The following GABRD variants were observed in gnomAD, a reference collection of about 807,000 sequenced individuals.
GABRD encodes the protein gamma-aminobutyric acid receptor subunit delta.
GABRD carries 25 observed loss-of-function variants against 47.3 expected under a neutral mutation model. The ratio of observed to expected loss-of-function variants is 0.53; its 90% CI spans 0.39 to 0.74. The LOEUF (loss-of-function observed/expected upper bound fraction) is 0.74, where lower values mean the gene tolerates loss of function less well. GABRD is among the 30% of genes least tolerant of loss of function. GABRD has a pLI of 0.00. For missense variants in GABRD, 497 were observed against 643.4 expected (o/e 0.77, Z 2.46); for synonymous variants, 314 against 278.8 (o/e 1.13, Z -1.26).
chr1:2,021,656 G>A (rs1167947834), intron 1 of GABRD, among the ~76,000 whole-genome samples: 2 of 152,180 alleles, frequency 1.3e-5, no homozygotes, highest in Non-Finnish European at 2.9e-5. Flanking sequence ...GCATGCCCGC[G>A]TGGGTGGCCC....
Position 2,028,863 on chromosome 1 carries a change from GCAGTAACCT to G in GABRD, c.692-244_692-236del. The G allele has an allele frequency of 1.8e-6, 1 of 569,388 alleles. No individual in the cohort carries two copies. The highest frequency in any genetic ancestry group is 3.1e-6 in the Non-Finnish European group (1 of 323,220). 35.3% of individuals were successfully genotyped at this position (569,388 alleles called of 1,614,324 possible). ...GGCCAGTCCAGCAAACATGAGGCCA[GCAGTAACCT>G]CAGCCTCTCTCCCTCTCCTCTGGGT... On this transcript the variant is annotated intron_variant, in intron 6 of 8. Transcript: ENST00000378585. The surrounding 1 kb of genome is among the most constrained non-coding windows in gnomAD (Gnocchi z 6.4).
rs772707280 is a variant in GABRD, at chr1:2,024,980, T to G, written c.107T>G (p.Leu36Arg). The G allele has an allele frequency of 1.3e-5, 21 of 1,612,846 alleles. 1 individual carries two copies. The highest frequency in any genetic ancestry group is 1.8e-5 in the Non-Finnish European group (21 of 1,179,866). Reference sequence around the variant, plus strand: ...ATCGGCGACTACGTGGGCTCCAACCTGGAGATCTCCTGGCTCCCCAACCTG... The same window carrying G: ...ATCGGCGACTACGTGGGCTCCAACCGGGAGATCTCCTGGCTCCCCAACCTG... ...NDIGDYVGSN[L>R]EISWLPNLDG... The change falls in exon 2 of 9, where the codon CTG becomes CGG. Residue 36 changes from leucine (L) to arginine (R), a missense_variant. Leu to Arg is a moderately radical substitution (Grantham distance 102). Transcript: ENST00000378585.
chr1:2,027,343 T>G, intron 4 of GABRD: 1 of 573,590 alleles, frequency 1.7e-6, no homozygotes, highest in Non-Finnish European at 3.2e-6. Flanking sequence ...AGTTCAATAG[T>G]CAAGCGTTTT....
In GABRD at chr1:2,025,023, C is replaced by T. The variant is rs1403672659; in HGVS notation, c.150C>T (p.Gly50=). ...CCAACCTGGACGGGCTGATAGCCGGCTACGCCCGCAACTTCCGGCCTGGCA... is the reference window on the plus strand; with the variant it reads ...CCAACCTGGACGGGCTGATAGCCGGTTACGCCCGCAACTTCCGGCCTGGCA... The part of the protein sequence containing the change: ...WLPNLDGLIA[G]YARNFRPGIG... Residue 50 remains glycine (G), a synonymous_variant, in exon 2 of 9, where the codon GGC becomes GGT. Transcript: ENST00000378585. 1 of 1,612,676 alleles carries T rather than the reference C, an allele frequency of 6.2e-7. No individual in the cohort carries two copies. The highest frequency in any genetic ancestry group is 1.3e-5 in the African/African-American group (1 of 75,072).
In GABRD at chr1:2,029,582, C is replaced by G; in HGVS notation, c.879C>G (p.Leu293=). 6.2e-7 allele frequency: 1 copy of G among 1,613,058 alleles called. No homozygotes were observed. The highest frequency in any genetic ancestry group is 1.3e-5 in the African/African-American group (1 of 75,058). Residue 293 remains leucine (L), a synonymous_variant, in exon 8 of 9, where the codon CTC becomes CTG. Transcript: ENST00000378585. ...GITTVLTMTT[L]MVSARSSLPR... ...CCACGGTGCTGACGATGACCACGCT[C>G]ATGGTCAGTGCCCGCTCCTCCCTGC...
At position 2,030,108 on chromosome 1, in the gene GABRD, G is replaced by T; in HGVS notation, c.1185G>T (p.Gly395=). The change falls in exon 9 of 9, where the codon GGG becomes GGT. Residue 395 remains glycine, a synonymous_variant. Coordinates refer to ENST00000378585, the MANE Select transcript of GABRD (RefSeq NM_000815.5). The stretch of plus-strand genomic sequence containing the variant: ...TGATGGGCTCCTACAGGTCGGTGGG[G>T]GTGGAGACAGGGGAGACGAAGAAGG... ...GNLMGSYRSV[G]VETGETKKEG... is the part of the protein sequence containing the mutation. The T allele has an allele frequency of 6.3e-7, 1 of 1,591,162 alleles. No individual in the cohort carries two copies. The highest frequency in any genetic ancestry group is 2.2e-5 in the East Asian group (1 of 44,628).
intron 1 of GABRD, among the ~76,000 whole-genome samples, chr1:2,020,786 A>C (rs1054666743): frequency 2.0e-5 from 3 of 152,204 alleles, no homozygotes. Flanking sequence ...CTGAAACCCC[A>C]AAGTTTTAGC....
At position 2,030,109 on chromosome 1, in the gene GABRD, G is replaced by T. The variant is rs1404444503; in HGVS notation, c.1186G>T (p.Val396Leu). 4.4e-6 allele frequency: 7 copies of T among 1,591,108 alleles called. No homozygotes were observed. The highest frequency in any genetic ancestry group is 6.0e-6 in the Non-Finnish European group (7 of 1,168,560). ...NLMGSYRSVG[V>L]ETGETKKEGA... ...GATGGGCTCCTACAGGTCGGTGGGG[G>T]TGGAGACAGGGGAGACGAAGAAGGA... The change falls in exon 9 of 9, where the codon GTG becomes TTG. Residue 396 changes from valine (V) to leucine (L), a missense_variant. This residue lies in a region of GABRD where 121 missense variants were observed against 121.3 expected (regional missense o/e 1.00). Coordinates refer to ENST00000378585, the MANE Select transcript of GABRD (RefSeq NM_000815.5).
intron 1 of GABRD, among the ~76,000 whole-genome samples, chr1:2,021,323 G>A (rs1390503056): frequency 2.6e-5 from 4 of 152,168 alleles, no homozygotes; most frequent in African/African-American, 7.2e-5. Flanking sequence ...GTCTCCCCAG[G>A]GTGGAAGCAC....
rs541920687 is a variant in GABRD, at chr1:2,019,760, G to A, written c.68+269G>A. On this transcript the variant is annotated intron_variant, in intron 1 of 8. Coordinates refer to ENST00000378585, the MANE Select transcript of GABRD (RefSeq NM_000815.5). The stretch of plus-strand genomic sequence containing the variant: ...CCGTCCTGGTGCTGAACCTGGGCTG[G>A]GCGAGGGCGTCGGAGCCTCCCGGTT... 1.3e-4 allele frequency among the ~76,000 whole-genome samples: 20 copies of A among 152,232 alleles called. No individual in the cohort carries two copies. In the East Asian group the frequency reaches 3.9e-3, roughly 30 times the overall value.
Position 2,019,347 on chromosome 1 carries a change from C to T in GABRD, c.-77C>T. ...TCGCGCCCGCGCCGCGCTCGCTCAGCTCCCGCCCGCCTGTGCCGCCTGTGC... is the reference window on the plus strand; with the variant it reads ...TCGCGCCCGCGCCGCGCTCGCTCAGTTCCCGCCCGCCTGTGCCGCCTGTGC... On this transcript the variant is annotated 5_prime_UTR_variant, in exon 1 of 9. Coordinates refer to ENST00000378585, the MANE Select transcript of GABRD (RefSeq NM_000815.5). 1.2e-6 allele frequency: 1 copy of T among 815,146 alleles called. No homozygotes were observed. The allele number at this position is 815,146 out of a possible 1,614,324, so 50.5% of individuals were successfully genotyped here.
rs750763018 is a variant in GABRD at position 2,027,586 on chromosome 1, C to T, written c.480C>T (p.Ser160=). 6.2e-7 allele frequency: 1 copy of T among 1,613,390 alleles called. No homozygotes were observed. The highest frequency in any genetic ancestry group is 1.3e-5 in the African/African-American group (1 of 74,934). The change falls in exon 5 of 9, where the codon TCC becomes TCT. Residue 160 remains serine, a synonymous_variant. Transcript: ENST00000378585. The part of the protein sequence containing the change: ...GVILYSIRIT[S]TVACDMDLAK... ...ATGCTTGTCTTGGCAGAATCACCTC[C>T]ACTGTGGCCTGCGACATGGACCTGG...
At chr1:2,021,646 G>C (rs1373500470) in intron 1 of GABRD, among the ~76,000 whole-genome samples, 2 of 152,208 alleles carry the variant, frequency 1.3e-5, no homozygotes, top group Non-Finnish European at 2.9e-5. Context: ...CTTGCCGACT[G>C]CATGCCCGCG....
chr1:2,022,839 G>C (rs1029622439), intron 1 of GABRD, among the ~76,000 whole-genome samples: 2 of 152,254 alleles, frequency 1.3e-5, no homozygotes, highest in Non-Finnish European at 2.9e-5. Context: ...TCCTGCCAGA[G>C]TTGGGCCACC....
chr1:2,029,228 G>T lies in GABRD; in HGVS notation c.809G>T (p.Trp270Leu). 1 of 1,572,648 alleles carries T rather than the reference G, an allele frequency of 6.4e-7. No homozygotes were observed. The part of the protein sequence containing the change: ...LLVAMSWVSF[W>L]ISQAAVPARV... ...GTCGCCATGTCCTGGGTCTCCTTCT[G>T]GATCAGCCAGGCGGCGGTGCCCGCC... The change falls in exon 7 of 9, where the codon TGG (tryptophan) becomes TTG (leucine). Residue 270 changes from tryptophan to leucine, a missense_variant. Trp to Leu is a moderately conservative substitution (Grantham distance 61). Around this residue, in one of 3 missense-constraint regions of GABRD, gnomAD observed 285 missense variants for 436.6 expected, o/e 0.65. Transcript: ENST00000378585.
intron 5 of GABRD, 85 bp downstream of exon 5, chr1:2,027,744 G>A: frequency 3.2e-6 from 4 of 1,241,040 alleles, no homozygotes; most frequent in Non-Finnish European, 4.7e-6. Flanking sequence ...GACAAGGCTG[G>A]CCCGGCTCAG....
chr1:2,020,533 G>A (rs1658743930), intron 1 of GABRD, among the ~76,000 whole-genome samples: 1 of 152,232 alleles, frequency 6.6e-6, no homozygotes, highest in Non-Finnish European at 1.5e-5. Context: ...AGCTGCAGCC[G>A]TGTGCCCATC....
intron 5 of GABRD, chr1:2,027,868 C>T (rs958986939): frequency 3.0e-5 from 19 of 627,898 alleles, no homozygotes; most frequent in African/African-American, 1.8e-4. Context: ...CCTGGGGAGC[C>T]GGGCCATGGA....
chr1:2,024,242 C>T (rs936421919), intron 1 of GABRD: 6 of 152,578 alleles, frequency 3.9e-5, no homozygotes, highest in African/African-American at 1.4e-4. Context: ...CTGGGGTGCT[C>T]TGGGCTCTGG....
Sources: allele counts gnomAD v4.1 joint callset (sites outside exome capture counted in the v4.1 genomes callset), GRCh38; gene constraint gnomAD v4.1.1; regional missense constraint gnomAD v4.1.1; non-coding constraint Gnocchi (gnomAD v3.1); transcripts MANE v1.5; gene names NCBI Gene and HGNC (gene_info 2026-07-23, HGNC 2026-07-21).